The following SREBF2 variants were observed in gnomAD, a reference collection of about 807,000 sequenced individuals.
SREBF2 encodes the protein sterol regulatory element binding transcription factor 2.
Under a neutral mutation model 113.1 loss-of-function variants are expected in SREBF2, and 55 were observed. The ratio of observed to expected loss-of-function variants is 0.49; its 90% confidence interval spans 0.39 to 0.61. The LOEUF is 0.61. Ranked by LOEUF, SREBF2 falls within the 20% of genes least tolerant of loss-of-function variation. The pLI is 0.00. For missense variants in SREBF2, 1,349 were observed against 1,487.4 expected (o/e 0.91, Z 1.53); for synonymous variants, 593 against 605.7 (o/e 0.98, Z 0.31).
chr22:41,895,555 C>T (rs1442061496), intron 13 of SREBF2, among the ~76,000 whole-genome samples: 1 of 151,352 alleles, frequency 6.6e-6, no homozygotes, highest in Non-Finnish European at 1.5e-5. Flanking sequence ...TCTGCCTTAG[C>T]CTCCCAAGTA....
chr22:41,899,306 T>C, intron 15 of SREBF2: 1 of 1,038,508 alleles, frequency 9.6e-7, no homozygotes. Context: ...GCACATGGCA[T>C]AACCGGAGAG....
intron 8 of SREBF2, 81 bp downstream of exon 8, chr22:41,877,502 C>T (rs1029297000): frequency 1.3e-6 from 2 of 1,515,006 alleles, no homozygotes; most frequent in Admixed American, 1.9e-5. Context: ...AACTTCTTGG[C>T]TTGGCTACCA....
chr22:41,876,654 C>A (rs1266345875), intron 7 of SREBF2, among the ~76,000 whole-genome samples: 1 of 152,120 alleles, frequency 6.6e-6, no homozygotes, highest in African/African-American at 2.4e-5. Flanking sequence ...TAGATAGATT[C>A]ACACTAAATA....
At chr22:41,853,373 C>T (rs2076949712) in intron 1 of SREBF2, among the ~76,000 whole-genome samples, 2 of 152,320 alleles carry the variant, frequency 1.3e-5, no homozygotes, top group Admixed American at 6.5e-5. Context: ...CTGTACTTTG[C>T]ATCCTGATCA....
intron 17 of SREBF2, chr22:41,904,496 C>T (rs749066727): frequency 2.2e-5 from 11 of 494,256 alleles, no homozygotes; most frequent in South Asian, 1.6e-4. Context: ...CTCCTCACCC[C>T]TCTGTCCCTG....
chr22:41,839,408 G>A (rs1463038424), intron 1 of SREBF2, among the ~76,000 whole-genome samples: 3 of 152,124 alleles, frequency 2.0e-5, no homozygotes, highest in Admixed American at 2.0e-4. Context: ...TTTTCAAGGA[G>A]TAGTCTGTAG....
chr22:41,890,199 C>G (rs1194447366), intron 11 of SREBF2, among the ~76,000 whole-genome samples: 1 of 152,166 alleles, frequency 6.6e-6, no homozygotes, highest in African/African-American at 2.4e-5. Context: ...CACTGCACAC[C>G]TCAAGCTTTG....
chr22:41,839,376 T>G (rs1787191569), intron 1 of SREBF2, among the ~76,000 whole-genome samples: 1 of 151,252 alleles, frequency 6.6e-6, no homozygotes, highest in Admixed American at 6.6e-5. Flanking sequence ...ACTGGGAGAT[T>G]AGAGGTTAGG....
In SREBF2 at chr22:41,866,947, A is replaced by G; in HGVS notation, c.205A>G (p.Ser69Gly). Residue 69 changes from serine (S) to glycine (G), a missense_variant, in exon 2 of 19, where the codon AGC becomes GGC. By Grantham distance (56) the Ser-to-Gly change is moderately conservative (BLOSUM62 0). Coordinates refer to ENST00000361204, the MANE Select transcript of SREBF2 (RefSeq NM_004599.4). Reference protein sequence around the residue: ...GSGSSSGSSGSSSSSSNGRGS... With the variant: ...GSGSSSGSSGGSSSSSNGRGS... ...TGGTAGCAGCAGCGGCAGCAGTGGCAGCAGCAGCAGCAGCAGCAATGGCAG... is the reference window on the plus strand; with the variant it reads ...TGGTAGCAGCAGCGGCAGCAGTGGCGGCAGCAGCAGCAGCAGCAATGGCAG... 3.8e-6 allele frequency: 6 copies of G among 1,594,736 alleles called. No homozygotes were observed. The highest frequency in any genetic ancestry group is 5.1e-6 in the Non-Finnish European group (6 of 1,166,356).
At chr22:41,865,990 A>G (rs552939809) in intron 1 of SREBF2, among the ~76,000 whole-genome samples, 3 of 152,284 alleles carry the variant, frequency 2.0e-5, no homozygotes, top group Non-Finnish European at 2.9e-5. Context: ...AAGAATACCA[A>G]CAGTGCCCAG....
At chr22:41,898,249 G>T (rs62240986) in intron 14 of SREBF2, among the ~76,000 whole-genome samples, 1,741 of 152,172 alleles carry the variant, frequency 0.011, 24 homozygotes, top group Non-Finnish European at 0.018. Context: ...TAGTAGCTGG[G>T]ATTACAGTCA....
At chr22:41,882,738 G>A (rs2077260168) in intron 10 of SREBF2, among the ~76,000 whole-genome samples, 1 of 152,188 alleles carries the variant, frequency 6.6e-6, no homozygotes. Context: ...CCCAGGAGGT[G>A]GAGGTTGCAG....
intron 4 of SREBF2, 52 bp downstream of exon 4, chr22:41,871,087 G>T: frequency 6.2e-7 from 1 of 1,611,152 alleles, no homozygotes; most frequent in Non-Finnish European, 8.5e-7. Context: ...ATTCCTGGAG[G>T]TGTTAGTCTT....
At chr22:41,855,403 G>A (rs1397867850) in intron 1 of SREBF2, among the ~76,000 whole-genome samples, 1 of 152,044 alleles carries the variant, frequency 6.6e-6, no homozygotes, top group Non-Finnish European at 1.5e-5. Flanking sequence ...GCGGGCACCT[G>A]TAGTCCCAGC....
chr22:41,895,922 T>A (rs1009387526), intron 13 of SREBF2, among the ~76,000 whole-genome samples: 2 of 151,838 alleles, frequency 1.3e-5, no homozygotes, highest in African/African-American at 4.8e-5. Context: ...GGTGGGCAGA[T>A]CACGAGGTCA....
At chr22:41,852,336 AAATT>A (rs1184398989) in intron 1 of SREBF2, among the ~76,000 whole-genome samples, 1 of 151,208 alleles carries the variant, frequency 6.6e-6, no homozygotes, top group Non-Finnish European at 1.5e-5. Context: ...AGTCTCAAGG[AAATT>A]AATTAATTTT....
At chr22:41,878,550 A>C (rs928033292) in intron 9 of SREBF2, 6 of 643,928 alleles carry the variant, frequency 9.3e-6, no homozygotes, top group Non-Finnish European at 9.9e-6. Flanking sequence ...CAAATTGGAG[A>C]GGGCTTTCAC....
At chr22:41,895,718 G>C (rs576860486) in intron 13 of SREBF2, among the ~76,000 whole-genome samples, 1 of 152,196 alleles carries the variant, frequency 6.6e-6, no homozygotes, top group African/African-American at 2.4e-5. Context: ...TTACAGGCAT[G>C]AGCCACCACG....
chr22:41,904,470 A>C (rs371779013), intron 17 of SREBF2: 271 of 443,068 alleles, frequency 6.1e-4, no homozygotes, highest in African/African-American at 4.7e-3. Flanking sequence ...CCTCTCTGGT[A>C]CCAGCCCAAC....
Sources: allele counts gnomAD v4.1 joint callset (sites outside exome capture counted in the v4.1 genomes callset), GRCh38; gene constraint gnomAD v4.1.1; transcripts MANE v1.5; gene names NCBI Gene and HGNC (gene_info 2026-07-23, HGNC 2026-07-21).